LRP1B: variants seen among roughly 807,000 people sequenced by gnomAD.
The protein encoded by LRP1B is LDL receptor related protein 1B.
LRP1B carries 217 observed loss-of-function variants against 556.6 expected under a neutral mutation model. The observed-to-expected ratio is 0.39, with a 90% CI of 0.35 to 0.44. The LOEUF is 0.44. Ranked by LOEUF, LRP1B falls within the 20% of genes least tolerant of loss-of-function variation. The pLI is 1.00. For synonymous variants in LRP1B, 2,047 were observed against 1,865.8 expected (o/e 1.10, Z -2.50); for missense variants, 5,053 against 5,620.8 (o/e 0.90, Z 3.23).
At chr2:142,095,056 A>C (rs1214053700) in intron 1 of LRP1B, among the ~76,000 whole-genome samples, 4 of 151,818 alleles carry the variant, frequency 2.6e-5, no homozygotes, top group Non-Finnish European at 5.9e-5. Flanking sequence ...AGAATATGTA[A>C]ATTTCAAATA....
chr2:141,958,121 A>C (rs1701308885), intron 1 of LRP1B, among the ~76,000 whole-genome samples: 1 of 152,046 alleles, frequency 6.6e-6, no homozygotes, highest in Admixed American at 6.6e-5. Context: ...GGGGTGAATT[A>C]GTAATTGAGC....
intron 7 of LRP1B, among the ~76,000 whole-genome samples, chr2:141,131,693 T>G (rs893370071): frequency 1.3e-5 from 2 of 151,936 alleles, no homozygotes; most frequent in African/African-American, 4.8e-5. Flanking sequence ...GAGACAGATT[T>G]ACATATATGT....
chr2:140,962,075 A>G (rs16845029), intron 18 of LRP1B, among the ~76,000 whole-genome samples: 28,689 of 152,188 alleles, frequency 0.19, 3,141 homozygotes, highest in African/African-American at 0.3. Context: ...AGTTTTAAAA[A>G]TAGCAATAGA....
chr2:140,997,016 A>G (rs1697267322), intron 15 of LRP1B, among the ~76,000 whole-genome samples: 1 of 152,010 alleles, frequency 6.6e-6, no homozygotes, highest in South Asian at 2.1e-4. Context: ...TGTGCTTTGA[A>G]CTATGTATTT....
chr2:141,764,355 A>T (rs1694665917), intron 2 of LRP1B, among the ~76,000 whole-genome samples: 1 of 152,028 alleles, frequency 6.6e-6, no homozygotes, highest in Non-Finnish European at 1.5e-5. Flanking sequence ...TAATTTTTGT[A>T]TTTTGTTTAG....
At chr2:141,021,134 G>A (rs1320182297) in intron 11 of LRP1B, among the ~76,000 whole-genome samples, 1 of 151,898 alleles carries the variant, frequency 6.6e-6, no homozygotes, top group Non-Finnish European at 1.5e-5. Context: ...CTGGACAAAG[G>A]CAATAGGTAG....
chr2:141,809,405 A>G (rs952348815), intron 2 of LRP1B, among the ~76,000 whole-genome samples: 2 of 152,032 alleles, frequency 1.3e-5, no homozygotes, highest in African/African-American at 4.8e-5. Flanking sequence ...TCATACAACT[A>G]TGTGGTTACT....
At chr2:141,273,064 T>C (rs540389103) in intron 3 of LRP1B, among the ~76,000 whole-genome samples, 203 of 152,246 alleles carry the variant, frequency 1.3e-3, no homozygotes, top group African/African-American at 4.5e-3. Context: ...ATCCCAGCAC[T>C]TTTGGAGTCC....
At chr2:141,180,405 T>C (rs1057293511) in intron 7 of LRP1B, among the ~76,000 whole-genome samples, 4 of 151,950 alleles carry the variant, frequency 2.6e-5, no homozygotes, top group Admixed American at 2.6e-4. Context: ...AATTATTCTT[T>C]TATGCTATTT....
chr2:140,537,631 T>C (rs150216121), intron 45 of LRP1B, among the ~76,000 whole-genome samples: 1 of 152,088 alleles, frequency 6.6e-6, no homozygotes. Context: ...AGGAGGACAA[T>C]GGTCAAGTGG....
chr2:140,825,073 CA>C (rs1161116153), intron 31 of LRP1B, among the ~76,000 whole-genome samples: 1 of 151,954 alleles, frequency 6.6e-6, no homozygotes, highest in Non-Finnish European at 1.5e-5. Context: ...TAAATGATAA[CA>C]GAGCTAAAAA....
At chr2:141,985,079 A>T (rs1274286659) in intron 1 of LRP1B, among the ~76,000 whole-genome samples, 2 of 152,166 alleles carry the variant, frequency 1.3e-5, no homozygotes, top group Non-Finnish European at 2.9e-5. Flanking sequence ...CAGAATGAAT[A>T]CCCATCTACT....
At chr2:142,013,701 A>G (rs114917699) in intron 1 of LRP1B, among the ~76,000 whole-genome samples, 4,065 of 152,206 alleles carry the variant, frequency 0.027, 75 homozygotes, top group Non-Finnish European at 0.04. Flanking sequence ...ATTATTTTTC[A>G]TGTAAATATA....
intron 35 of LRP1B, among the ~76,000 whole-genome samples, chr2:140,726,406 G>C (rs1687595268): frequency 6.6e-6 from 1 of 152,182 alleles, no homozygotes; most frequent in Admixed American, 6.6e-5. Context: ...AATCACTGCT[G>C]TTCAATCTAT....
Position 141,423,290 on chromosome 2 carries a change from C to CCTTTTTTTTTTTTTTTTTTTTTTTTT in LRP1B, c.343+57105_343+57106insAAAAAAAAAAAAAAAAAAAAAAAAAG, listed in dbSNP as rs1321976263. On this transcript the variant is annotated intron_variant, in intron 3 of 90. Coordinates refer to ENST00000389484, the MANE Select transcript of LRP1B (RefSeq NM_018557.3). ...CCCTCTCACTAGGCAACAGCCAGAG[C>CCTTTTTTTTTTTTTTTTTTTTTTTTT]TTTTTTTTTTTTTTTTTTTTTTTTT... Among the ~76,000 whole-genome samples the CCTTTTTTTTTTTTTTTTTTTTTTTTT allele has an allele frequency of 5.9e-5, 4 of 68,374 alleles. 2 individuals carry two copies. The highest frequency in any genetic ancestry group is 1.2e-4 in the Non-Finnish European group (4 of 33,616). The allele number at this position is 68,374 out of a possible 152,430, so 44.9% of individuals were successfully genotyped here. A position where few individuals can be genotyped will look rare whatever the true frequency, so the allele number is the denominator to read the frequency against.
At chr2:140,795,919 T>C (rs1690293623) in intron 32 of LRP1B, among the ~76,000 whole-genome samples, 1 of 152,100 alleles carries the variant, frequency 6.6e-6, no homozygotes. Context: ...AAAATGCTGT[T>C]GTGATTATAT....
chr2:141,049,436 G>A (rs1698973417), intron 10 of LRP1B, among the ~76,000 whole-genome samples: 1 of 152,112 alleles, frequency 6.6e-6, no homozygotes, highest in South Asian at 2.1e-4. Flanking sequence ...TGGGTTATAT[G>A]TAGTTAATTA....
At chr2:141,605,621 A>T (rs1574131854) in intron 2 of LRP1B, among the ~76,000 whole-genome samples, 1 of 152,166 alleles carries the variant, frequency 6.6e-6, no homozygotes, top group East Asian at 1.9e-4. Flanking sequence ...AGCCCATTAC[A>T]TGATCCACTG....
chr2:141,393,288 G>A (rs919917697), intron 3 of LRP1B, among the ~76,000 whole-genome samples: 4 of 152,018 alleles, frequency 2.6e-5, no homozygotes, highest in African/African-American at 9.7e-5. Context: ...TTAATGAGGA[G>A]CTTATAAAAC....
Sources: gnomAD v4.1 joint callset for allele counts (sites outside exome capture counted in the v4.1 genomes callset) on GRCh38, gnomAD v4.1.1 for gene constraint, MANE v1.5 for transcripts, NCBI Gene and HGNC (gene_info 2026-07-23, HGNC 2026-07-21) for gene names.